Variants in SH3BP5L observed in about 807,000 individuals in gnomAD.
SH3BP5L encodes SH3 domain-binding protein 5-like.
In SH3BP5L, 16 loss-of-function variants were observed where a neutral mutation model predicts 40.9. That is an observed-to-expected ratio of 0.39 (90% confidence interval 0.27 to 0.59). The LOEUF (loss-of-function observed/expected upper bound fraction) is 0.59, where lower values mean the gene tolerates loss of function less well. Among genes scored for constraint, SH3BP5L ranks in the 20% least tolerant of loss-of-function variants. SH3BP5L has a pLI of 0.53. For missense variants in SH3BP5L, 471 were observed against 544.6 expected (o/e 0.86, Z 1.35); for synonymous variants, 229 against 226.7 (o/e 1.01, Z -0.09).
At chr1:248,818,277 GGCAGGGATT>G (rs1020783489) in intron 2 of SH3BP5L, among the ~76,000 whole-genome samples, 3 of 152,202 alleles carry the variant, frequency 2.0e-5, no homozygotes, top group African/African-American at 7.2e-5. Flanking sequence ...GAACCCGGGG[GGCAGGGATT>G]GCAGTAAGCC....
Position 248,816,514 on chromosome 1 carries a change from A to G in SH3BP5L, c.375+20T>C, listed in dbSNP as rs1306185587. On this transcript the variant is annotated intron_variant, in intron 4 of 6. Transcript: ENST00000366472. ...AGGCTCAGCACGTAGCCTTCCTCAA[A>G]CGTGGTCAGCCAGCCATACCTCCTT... The G allele has an allele frequency of 6.2e-7, 1 of 1,613,410 alleles. No homozygotes were observed. The highest frequency in any genetic ancestry group is 1.1e-5 in the South Asian group (1 of 91,044).
chr1:248,811,797 G>C lies in SH3BP5L; in HGVS notation c.*103C>G, dbSNP rs917734494. The C allele has an allele frequency of 4.2e-5, 37 of 881,668 alleles. No homozygotes were observed. The African/African-American group carries it at 4.3e-4, about 10-fold the overall frequency. The allele number at this position is 881,668 out of a possible 1,614,324, so 54.6% of individuals were successfully genotyped here. On this transcript the variant is annotated 3_prime_UTR_variant, in exon 7 of 7. Coordinates refer to ENST00000366472, the MANE Select transcript of SH3BP5L (RefSeq NM_030645.3). ...TCTCCCAGGGAAGCACTGGAGAAGG[G>C]GACCTTCGGGAAGACGAGGCCCCAG... is the stretch of plus-strand genomic sequence containing the variant.
intron 4 of SH3BP5L, 107 bp from the exon 5 acceptor site, chr1:248,814,717 T>A (rs1298361002): frequency 8.9e-7 from 1 of 1,118,514 alleles, no homozygotes. Flanking sequence ...CTACTAGCAA[T>A]GTCGGCTTCA....
chr1:248,815,105 A>G (rs1664068325), intron 4 of SH3BP5L, among the ~76,000 whole-genome samples: 1 of 152,214 alleles, frequency 6.6e-6, no homozygotes. Context: ...TAAATAAATA[A>G]TAGTACATCT....
At chr1:248,816,132 A>G (rs1015745414) in intron 4 of SH3BP5L, 7 of 169,674 alleles carry the variant, frequency 4.1e-5, no homozygotes, top group African/African-American at 1.7e-4. Flanking sequence ...GGGGTGTGGG[A>G]TGGGGAAAAG....
intron 2 of SH3BP5L, among the ~76,000 whole-genome samples, chr1:248,823,399 T>C (rs534755738): frequency 1.3e-5 from 2 of 152,256 alleles, no homozygotes; most frequent in Admixed American, 6.5e-5. Context: ...AAACTGAGGC[T>C]CAGAAACGTA....
intron 2 of SH3BP5L, among the ~76,000 whole-genome samples, chr1:248,822,250 TCTC>T (rs1312981574): frequency 6.6e-6 from 1 of 151,922 alleles, no homozygotes; most frequent in Admixed American, 6.6e-5. Flanking sequence ...AACACCCCAA[TCTC>T]CTCCTCATCT....
rs1460905363 is a variant in SH3BP5L at position 248,812,894 on chromosome 1, C to T, written c.711+95G>A. The T allele has an allele frequency of 8.2e-7, 1 of 1,214,856 alleles. No homozygotes were observed. Among genetic ancestry groups the T allele is most frequent in the African/African-American group, 1.5e-5 (1 of 65,184 alleles). 75.3% of individuals were successfully genotyped at this position (1,214,856 alleles called of 1,614,324 possible). ...CGCTAGCCGGAGGCCTCACCCTGGC[C>T]ACCTCACCAAGATGGCCCAGAGAGG... is the stretch of plus-strand genomic sequence containing the variant. On this transcript the variant is annotated intron_variant, in intron 6 of 6. Coordinates refer to ENST00000366472, the MANE Select transcript of SH3BP5L (RefSeq NM_030645.3). The surrounding 1 kb of genome is among the most constrained non-coding windows in gnomAD (Gnocchi z 6.1).
At chr1:248,822,496 G>C (rs896058560) in intron 2 of SH3BP5L, among the ~76,000 whole-genome samples, 10 of 152,190 alleles carry the variant, frequency 6.6e-5, no homozygotes, top group Non-Finnish European at 1.2e-4. Context: ...AGAGAGACGA[G>C]GGTCTGCTTT....
At chr1:248,814,288 G>T in intron 5 of SH3BP5L, 161 bp downstream of exon 5, 1 of 763,016 alleles carries the variant, frequency 1.3e-6, no homozygotes. Flanking sequence ...AGCAATGGAG[G>T]CCAAACAGAA....
chr1:248,813,526 G>A (rs1664014918), intron 5 of SH3BP5L: 1 of 231,990 alleles, frequency 4.3e-6, no homozygotes, highest in African/African-American at 2.2e-5. Context: ...AGCATCAGGG[G>A]AATGTCTGTC....
In SH3BP5L at chr1:248,821,510, A is replaced by AT. The variant is rs1306719792; in HGVS notation, c.183+3242dup. Among the ~76,000 whole-genome samples the AT allele has an allele frequency of 6.6e-6, 1 of 152,138 alleles. No individual in the cohort carries two copies. Among genetic ancestry groups the AT allele is most frequent in the East Asian group, 1.9e-4 (1 of 5,194 alleles). On this transcript the variant is annotated intron_variant, in intron 2 of 6. Coordinates refer to ENST00000366472, the MANE Select transcript of SH3BP5L (RefSeq NM_030645.3). The surrounding 1 kb of genome is among the most constrained non-coding windows in gnomAD (Gnocchi z 4.6). ...TGACTGTCCTGTGAAAGCTAAACCCATACTTCTAGATGAGGTCACAGAGGT... is the reference window on the plus strand; with the variant it reads ...TGACTGTCCTGTGAAAGCTAAACCCATTACTTCTAGATGAGGTCACAGAGGT...
intron 4 of SH3BP5L, 62 bp downstream of exon 4, chr1:248,816,472 C>T: frequency 1.2e-6 from 2 of 1,607,046 alleles, no homozygotes; most frequent in Non-Finnish European, 1.7e-6. Context: ...CATATAGAGA[C>T]AGAAGAATCC....
rs149901888 is a variant in SH3BP5L at position 248,824,309 on chromosome 1, A to T, written c.183+444T>A. Among the ~76,000 whole-genome samples, 838 of 152,336 alleles carry T rather than the reference A, an allele frequency of 5.5e-3. 12 individuals are homozygous for T. Among genetic ancestry groups the T allele is most frequent in the Middle Eastern group, 0.02 (6 of 294 alleles). ...ACATCCCTGGAAGGTACCGCTGAGA[A>T]GGTGAGAAAGGGGAAAAGATTCTCT... On this transcript the variant is annotated intron_variant, in intron 2 of 6. Transcript: ENST00000366472.
Position 248,811,832 on chromosome 1 carries a change from C to T in SH3BP5L, c.*68G>A, listed in dbSNP as rs1279645143. The T allele has an allele frequency of 4.3e-6, 5 of 1,164,390 alleles. No homozygotes were observed. In the South Asian group the frequency reaches 6.1e-5, roughly 14 times the overall value. The allele number at this position is 1,164,390 out of a possible 1,614,324, so 72.1% of individuals were successfully genotyped here. ...GAAGACGAGGCCCCAGAGGAGAGGGCGTGAGAAGACTGTGGGCCCCAACCG... is the reference window on the plus strand; with the variant it reads ...GAAGACGAGGCCCCAGAGGAGAGGGTGTGAGAAGACTGTGGGCCCCAACCG... On this transcript the variant is annotated 3_prime_UTR_variant, in exon 7 of 7. Transcript: ENST00000366472.
In SH3BP5L at chr1:248,825,123, G is replaced by C. The variant is rs1664344160; in HGVS notation, c.-188C>G. ...GGTTGAGATTCAAGTTGTCAGTGGG[G>C]TTCCTAGAGCTGAAGCCTTGTCTGT... On this transcript the variant is annotated 5_prime_UTR_variant, in exon 2 of 7. Coordinates refer to ENST00000366472, the MANE Select transcript of SH3BP5L (RefSeq NM_030645.3). 6 of 1,392,202 alleles carry C rather than the reference G, an allele frequency of 4.3e-6. No homozygotes were observed. Among genetic ancestry groups the C allele is most frequent in the Non-Finnish European group, 5.6e-6 (6 of 1,077,114 alleles). 86.2% of individuals were successfully genotyped at this position (1,392,202 alleles called of 1,614,324 possible).
Position 248,812,091 on chromosome 1 carries a change from C to G in SH3BP5L, c.991G>C (p.Asp331His). ...CGCAGGCTCAGCAGACTCAGGGTATCGGTGTCGGGGGCGGGGCCGGGCCCC... is the reference window on the plus strand; with the variant it reads ...CGCAGGCTCAGCAGACTCAGGGTATGGGTGTCGGGGGCGGGGCCGGGCCCC... ...SLGPGPAPDT[D>H]TLSLLSLRTV... is the part of the protein sequence containing the mutation. The change falls in exon 7 of 7, where the codon GAT becomes CAT. Residue 331 changes from aspartate to histidine, a missense_variant. Physicochemically the swap from Asp to His is moderately conservative, Grantham distance 81 (BLOSUM62 -1). Around this residue, in one of 2 missense-constraint regions of SH3BP5L, gnomAD observed 196 missense variants for 174.6 expected, o/e 1.12. Coordinates refer to ENST00000366472, the MANE Select transcript of SH3BP5L (RefSeq NM_030645.3). The surrounding 1 kb of genome is among the most constrained non-coding windows in gnomAD (Gnocchi z 6.1). The G allele has an allele frequency of 6.2e-7, 1 of 1,612,102 alleles. No individual in the cohort carries two copies. The highest frequency in any genetic ancestry group is 8.5e-7 in the Non-Finnish European group (1 of 1,179,092).
chr1:248,814,682 G>T (rs181473908), intron 4 of SH3BP5L, 72 bp from the exon 5 acceptor site: 35 of 1,510,132 alleles, frequency 2.3e-5, no homozygotes, highest in African/African-American at 4.1e-5. Flanking sequence ...CATAATAGAC[G>T]TGAGGATAAG....
chr1:248,825,808 G>A, intron 1 of SH3BP5L, 27 bp downstream of exon 1: 1 of 893,836 alleles, frequency 1.1e-6, no homozygotes, highest in Non-Finnish European at 1.3e-6. Context: ...ACCCAGCCAT[G>A]CGCAAAAGCC....
Sources: gnomAD v4.1 joint callset for allele counts (sites outside exome capture counted in the v4.1 genomes callset) on GRCh38, gnomAD v4.1.1 for gene constraint, gnomAD v4.1.1 regional missense constraint, Gnocchi (gnomAD v3.1) non-coding constraint, MANE v1.5 for transcripts, NCBI Gene and HGNC (gene_info 2026-07-23, HGNC 2026-07-21) for gene names.